PIP5K1B: variants seen among roughly 807,000 people sequenced by gnomAD.
PIP5K1B encodes phosphatidylinositol 4-phosphate 5-kinase type-1 beta.
In PIP5K1B, 42 loss-of-function variants were observed where a neutral mutation model predicts 67.0. The observed-to-expected ratio is 0.63, with a 90% CI of 0.49 to 0.81. The LOEUF (loss-of-function observed/expected upper bound fraction) is 0.81. Among genes scored for constraint, PIP5K1B ranks in the 30% least tolerant of loss-of-function variants. The pLI is 0.00. For synonymous variants in PIP5K1B, 214 were observed against 231.4 expected (o/e 0.92, Z 0.68); for missense variants, 459 against 646.3 (o/e 0.71, Z 3.14).
At chr9:68,909,358 TTTACTCATATGTAC>T (rs1825753157) in intron 8 of PIP5K1B, among the ~76,000 whole-genome samples, 1 of 151,962 alleles carries the variant, frequency 6.6e-6, no homozygotes, top group South Asian at 2.1e-4. Context: ...ATCACATCAT[TTTACTCATATGTAC>T]TTTAGTAGGA....
At chr9:68,856,889 A>G (rs932314451) in intron 4 of PIP5K1B, among the ~76,000 whole-genome samples, 1 of 152,236 alleles carries the variant, frequency 6.6e-6, no homozygotes, top group African/African-American at 2.4e-5. Context: ...CCTGGAACCT[A>G]TTAAGAAGAC....
chr9:68,971,408 G>A (rs549910157), intron 14 of PIP5K1B, among the ~76,000 whole-genome samples: 1 of 152,062 alleles, frequency 6.6e-6, no homozygotes, highest in Non-Finnish European at 1.5e-5. Context: ...TGGGCATTTC[G>A]GTTGGTTCCA....
chr9:68,908,377 A>ATT (rs1825712997), intron 8 of PIP5K1B, among the ~76,000 whole-genome samples: 1 of 151,918 alleles, frequency 6.6e-6, no homozygotes, highest in South Asian at 2.1e-4. Context: ...ATACACACAC[A>ATT]TTATATATAT....
rs1455598061 is a variant in PIP5K1B, at chr9:68,845,143, G to A, written c.70-18694G>A. Among the ~76,000 whole-genome samples, 6 of 152,244 alleles carry A rather than the reference G, an allele frequency of 3.9e-5. No homozygotes were observed. The East Asian group carries it at 1.2e-3, about 29-fold the overall frequency. On this transcript the variant is annotated intron_variant, in intron 4 of 15. Transcript: ENST00000265382. ...TTCATTTTCTAGAGGAGGAAAGTGAGCCCCCGTGCTATAATGAAGCTGTCT... is the reference window on the plus strand; with the variant it reads ...TTCATTTTCTAGAGGAGGAAAGTGAACCCCCGTGCTATAATGAAGCTGTCT...
intron 5 of PIP5K1B, among the ~76,000 whole-genome samples, chr9:68,866,862 G>A (rs1328418264): frequency 1.3e-5 from 2 of 152,174 alleles, no homozygotes; most frequent in Admixed American, 6.5e-5. Context: ...CAAGAGTCCA[G>A]TCCAGGGAAA....
intron 2 of PIP5K1B, among the ~76,000 whole-genome samples, chr9:68,813,564 T>C (rs1485926195): frequency 6.6e-6 from 1 of 152,242 alleles, no homozygotes; most frequent in East Asian, 1.9e-4. Flanking sequence ...GAAAGATATG[T>C]TGAAGTCCTA....
intron 14 of PIP5K1B, among the ~76,000 whole-genome samples, chr9:68,951,803 A>G (rs80242438): frequency 3.8e-3 from 576 of 152,350 alleles, no homozygotes; most frequent in Admixed American, 5.7e-3. Flanking sequence ...AAAAAGAGCA[A>G]GCCGTAGTCC....
intron 13 of PIP5K1B, among the ~76,000 whole-genome samples, chr9:68,938,722 G>A (rs1285884940): frequency 1.3e-5 from 2 of 152,098 alleles, no homozygotes; most frequent in Admixed American, 1.3e-4. Flanking sequence ...TCATGTTGTC[G>A]GCAGAATTCA....
intron 4 of PIP5K1B, among the ~76,000 whole-genome samples, chr9:68,860,038 T>C (rs1822981580): frequency 6.6e-6 from 1 of 152,234 alleles, no homozygotes. Flanking sequence ...CTCACATAGT[T>C]ATTTTTTGTG....
chr9:68,725,452 A>G (rs1315653812), intron 1 of PIP5K1B, among the ~76,000 whole-genome samples: 1 of 152,224 alleles, frequency 6.6e-6, no homozygotes, highest in African/African-American at 2.4e-5. Flanking sequence ...GAACAAAAGC[A>G]TTGCACACAT....
rs1831748591 is a variant in PIP5K1B at position 68,788,321 on chromosome 9, G to A, written c.-85-30140G>A. 27 of 823,902 alleles carry A rather than the reference G, an allele frequency of 3.3e-5. No individual in the cohort carries two copies. In the South Asian group the frequency reaches 3.8e-4, roughly 12 times the overall value. 51.0% of individuals were successfully genotyped at this position (823,902 alleles called of 1,614,324 possible). The stretch of plus-strand genomic sequence containing the variant: ...AGACTCTCCCTTCAGGTTCAAACTT[G>A]GAACTTTCTAGCTTTGGTCATGTAT... On this transcript the variant is annotated intron_variant, in intron 2 of 15. Coordinates refer to ENST00000265382, the MANE Select transcript of PIP5K1B (RefSeq NM_003558.4).
At chr9:68,796,326 C>CAAA (rs201776301) in intron 2 of PIP5K1B, among the ~76,000 whole-genome samples, 1 of 151,690 alleles carries the variant, frequency 6.6e-6, no homozygotes, top group African/African-American at 2.4e-5. Flanking sequence ...TCCTCAATTA[C>CAAA]AATGTTCTGA....
chr9:68,841,047 G>T (rs571873534), intron 4 of PIP5K1B, among the ~76,000 whole-genome samples: 1 of 152,238 alleles, frequency 6.6e-6, no homozygotes, highest in Admixed American at 6.5e-5. Context: ...ACTGTCTCAG[G>T]TCTGTATTTC....
chr9:68,881,501 A>G (rs902079928), intron 6 of PIP5K1B, among the ~76,000 whole-genome samples: 2 of 152,182 alleles, frequency 1.3e-5, no homozygotes, highest in Non-Finnish European at 2.9e-5. Context: ...TGTGGGAACA[A>G]TCTCTAGCCA....
intron 4 of PIP5K1B, among the ~76,000 whole-genome samples, chr9:68,854,383 G>A (rs1822662887): frequency 6.6e-6 from 1 of 151,952 alleles, no homozygotes; most frequent in Non-Finnish European, 1.5e-5. Context: ...TCCTGCCCTG[G>A]CCTCTCAAAA....
intron 14 of PIP5K1B, among the ~76,000 whole-genome samples, chr9:68,946,322 A>C (rs10735638): frequency 0.95 from 144,082 of 152,250 alleles, 68,689 homozygotes; most frequent in East Asian, 1. Flanking sequence ...CACAGCCCCT[A>C]GTAGGATGAT....
In PIP5K1B at chr9:68,780,098, C is replaced by G. The variant is rs924737401; in HGVS notation, c.-86+37441C>G. ...GGTGGCGGCGGCAGCGGCGGCGGCC[C>G]TGGACTGCGGGGAATGGGAATCCTA... is the stretch of plus-strand genomic sequence containing the variant. On this transcript the variant is annotated intron_variant, in intron 2 of 15. Coordinates refer to ENST00000265382, the MANE Select transcript of PIP5K1B (RefSeq NM_003558.4). 3.4e-6 allele frequency: 5 copies of G among 1,463,456 alleles called. No homozygotes were observed. The East Asian group carries it at 7.5e-5, about 22-fold the overall frequency. 90.7% of individuals were successfully genotyped at this position (1,463,456 alleles called of 1,614,324 possible). A position where few individuals can be genotyped will look rare whatever the true frequency, so the allele number is the denominator to read the frequency against.
intron 11 of PIP5K1B, 145 bp downstream of exon 11, chr9:68,919,874 C>T: frequency 2.0e-6 from 1 of 494,962 alleles, no homozygotes; most frequent in Non-Finnish European, 3.6e-6. Flanking sequence ...GTTAGTAGAT[C>T]AGTTCAAATC....
At chr9:68,865,275 TTTG>T (rs1823299699) in intron 5 of PIP5K1B, among the ~76,000 whole-genome samples, 1 of 152,060 alleles carries the variant, frequency 6.6e-6, no homozygotes, top group Admixed American at 6.6e-5. Context: ...GTTCTCTGTG[TTTG>T]TTTTTAACAG....
Sources: allele counts gnomAD v4.1 joint callset (sites outside exome capture counted in the v4.1 genomes callset), GRCh38; gene constraint gnomAD v4.1.1; transcripts MANE v1.5; gene names NCBI Gene and HGNC (gene_info 2026-07-23, HGNC 2026-07-21).